AGMO: variants seen among roughly 807,000 people sequenced by gnomAD.
AGMO encodes the protein alkylglycerol monooxygenase.
In AGMO, 75 loss-of-function variants were observed where a neutral mutation model predicts 60.2. The ratio of observed to expected loss-of-function variants is 1.25; its 90% CI spans 1.03 to 1.51. AGMO has a LOEUF of 1.51. AGMO is among the 40% of genes most tolerant of loss of function. The pLI is 0.00. For synonymous variants in AGMO, 261 were observed against 177.1 expected (o/e 1.47, Z -3.76); for missense variants, 763 against 525.5 (o/e 1.45, Z -4.42).
chr7:15,201,300 A>T lies in AGMO; in HGVS notation c.1323T>A (p.Ser441=), dbSNP rs1013034945. The T allele has an allele frequency of 1.2e-6, 2 of 1,612,282 alleles. No individual in the cohort carries two copies. Among genetic ancestry groups the T allele is most frequent in the Admixed American group, 1.7e-5 (1 of 59,934 alleles). The part of the protein sequence containing the change: ...WGVRSMKQLT[S]HPWK Reference sequence around the variant, plus strand: ...CAAATTCAGGTTATTTCCAAGGGTGAGAGGTGAGTTGTTTCATGCTTCTAA... The same window carrying T: ...CAAATTCAGGTTATTTCCAAGGGTGTGAGGTGAGTTGTTTCATGCTTCTAA... Residue 441 remains serine (S), a synonymous_variant, in exon 13 of 13, where the codon TCT becomes TCA. Coordinates refer to ENST00000342526, the MANE Select transcript of AGMO (RefSeq NM_001004320.2).
At chr7:15,155,361 A>T in the AGMO span, among the ~76,000 whole-genome samples, 11 of 143,856 alleles carry the variant, frequency 7.6e-5, no homozygotes, top group South Asian at 6.7e-4. Flanking sequence ...TAGCTCTGAG[A>T]TCCTTCCTCA....
At chr7:15,371,150 A>G (rs1345612498) in intron 10 of AGMO, among the ~76,000 whole-genome samples, 1 of 152,166 alleles carries the variant, frequency 6.6e-6, no homozygotes, top group Non-Finnish European at 1.5e-5. Flanking sequence ...AAGACCTCAA[A>G]CTATAAAAAC....
intron 12 of AGMO, among the ~76,000 whole-genome samples, chr7:15,361,433 A>G (rs1389241430): frequency 6.6e-6 from 1 of 150,812 alleles, no homozygotes; most frequent in Non-Finnish European, 1.5e-5. Context: ...CCAGCTACTC[A>G]GGAAGCTGAG....
At chr7:15,316,466 T>C (rs1038628560) in intron 12 of AGMO, among the ~76,000 whole-genome samples, 1 of 152,220 alleles carries the variant, frequency 6.6e-6, no homozygotes, top group African/African-American at 2.4e-5. Flanking sequence ...AAAGATCTAC[T>C]CAGTCAAGGT....
intron 4 of AGMO, among the ~76,000 whole-genome samples, chr7:15,422,709 C>T (rs770918575): frequency 2.0e-5 from 3 of 152,144 alleles, no homozygotes; most frequent in Non-Finnish European, 2.9e-5. Flanking sequence ...TGGCTTGGTA[C>T]GCAGTATTTA....
At chr7:15,310,654 C>G (rs929476822) in intron 12 of AGMO, among the ~76,000 whole-genome samples, 1 of 152,062 alleles carries the variant, frequency 6.6e-6, no homozygotes, top group African/African-American at 2.4e-5. Context: ...GGGAGTGCTT[C>G]TATTTCTGGT....
chr7:15,291,122 T>C (rs1007454704), intron 12 of AGMO, among the ~76,000 whole-genome samples: 1 of 152,204 alleles, frequency 6.6e-6, no homozygotes, highest in South Asian at 2.1e-4. Flanking sequence ...ATATTTACAA[T>C]TTCCCTTAAG....
intron 12 of AGMO, among the ~76,000 whole-genome samples, chr7:15,292,281 G>A (rs1192481787): frequency 2.6e-5 from 4 of 152,150 alleles, no homozygotes; most frequent in Non-Finnish European, 5.9e-5. Context: ...AAATACAGCA[G>A]CATCTCTGAA....
At chr7:15,285,725 A>C (rs1275726448) in intron 12 of AGMO, among the ~76,000 whole-genome samples, 1 of 152,084 alleles carries the variant, frequency 6.6e-6, no homozygotes, top group African/African-American at 2.4e-5. Flanking sequence ...AAAATATCCT[A>C]AAATTCTGTG....
chr7:15,151,107 G>T, the AGMO span, among the ~76,000 whole-genome samples: 1 of 152,128 alleles, frequency 6.6e-6, no homozygotes, highest in Non-Finnish European at 1.5e-5. Flanking sequence ...CGTGTGCACA[G>T]AAGTGTTCAC....
At chr7:15,179,694 T>C in the AGMO span, among the ~76,000 whole-genome samples, 1 of 152,162 alleles carries the variant, frequency 6.6e-6, no homozygotes, top group African/African-American at 2.4e-5. Context: ...GGCACTGCCC[T>C]AGTGGAGATT....
the AGMO span, among the ~76,000 whole-genome samples, chr7:15,175,100 T>C: frequency 6.6e-6 from 1 of 152,028 alleles, no homozygotes; most frequent in Middle Eastern, 3.4e-3. Context: ...TACCTAACTG[T>C]GTTTTCAAGC....
At chr7:15,255,534 C>CAAAAAAAAAAAAAAAAAAAA (rs60035165) in intron 12 of AGMO, among the ~76,000 whole-genome samples, 2 of 115,830 alleles carry the variant, frequency 1.7e-5, no homozygotes, top group Non-Finnish European at 1.8e-5. Flanking sequence ...TGTAAGAATA[C>CAAAAAAAAAAAAAAAAAAAA]AAAAAAAAAA....
chr7:15,270,596 A>T (rs1264867696), intron 12 of AGMO, among the ~76,000 whole-genome samples: 4 of 48,068 alleles, frequency 8.3e-5, no homozygotes, highest in South Asian at 1.2e-3. Context: ...TCTGTTGATA[A>T]TTTTTTTTTT....
downstream of AGMO, among the ~76,000 whole-genome samples, chr7:15,195,481 A>G (rs1781094490): frequency 6.6e-6 from 1 of 152,190 alleles, no homozygotes; most frequent in Non-Finnish European, 1.5e-5. Context: ...ACTGCGAAGA[A>G]GCTTGTCACT....
chr7:15,332,391 T>A (rs939782465), intron 12 of AGMO, among the ~76,000 whole-genome samples: 5 of 152,178 alleles, frequency 3.3e-5, no homozygotes, highest in Admixed American at 6.6e-5. Flanking sequence ...AAGGTCTGTC[T>A]CGTCTGGAAA....
At chr7:15,528,420 C>T (rs951207225) in intron 3 of AGMO, among the ~76,000 whole-genome samples, 4 of 151,984 alleles carry the variant, frequency 2.6e-5, no homozygotes, top group South Asian at 2.1e-4. Context: ...CTTGTGTTAC[C>T]ATACATAATA....
At chr7:15,169,485 A>G in the AGMO span, among the ~76,000 whole-genome samples, 5 of 151,784 alleles carry the variant, frequency 3.3e-5, no homozygotes, top group East Asian at 7.8e-4. Context: ...CCCCCAGAGT[A>G]TATTGCAGTG....
At chr7:15,339,939 C>G (rs964139846) in intron 12 of AGMO, among the ~76,000 whole-genome samples, 1 of 152,096 alleles carries the variant, frequency 6.6e-6, no homozygotes. Flanking sequence ...TATAATTCAG[C>G]CCATAAGTTA....
Sources: gnomAD v4.1 joint callset for allele counts (sites outside exome capture counted in the v4.1 genomes callset) on GRCh38, gnomAD v4.1.1 for gene constraint, MANE v1.5 for transcripts, NCBI Gene and HGNC (gene_info 2026-07-23, HGNC 2026-07-21) for gene names.